Variants in SERF2 observed in about 807,000 individuals in gnomAD.
SERF2 encodes the protein gastric cancer-related protein VRG107.
Under a neutral mutation model 10.7 loss-of-function variants are expected in SERF2, and 4 were observed. The ratio of observed to expected loss-of-function variants is 0.37; its 90% CI spans 0.18 to 0.86. The LOEUF (loss-of-function observed/expected upper bound fraction) is 0.86, where lower values mean the gene tolerates loss of function less well. Ranked by LOEUF, SERF2 falls within the 40% of genes least tolerant of loss-of-function variation. SERF2 has a pLI of 0.43. For synonymous variants in SERF2, 26 were observed against 26.0 expected (o/e 1.00, Z 0.01); for missense variants, 47 against 79.1 (o/e 0.59, Z 1.54).
rs779182068 is a variant in SERF2, at chr15:43,795,126, T to TA, written c.*1354dup. The TA allele has an allele frequency of 1.3e-5, 21 of 1,613,240 alleles. No homozygotes were observed. In the East Asian group the frequency reaches 4.5e-4, roughly 34 times the overall value. On this transcript the variant is annotated 3_prime_UTR_variant, in exon 3 of 3. Transcript: ENST00000249786. ...CCAGTAACAGCCCCAGATAGAGGAG[T>TA]ACGCAGGCCCAGCATGAGGCAACCT...
upstream of SERF2, among the ~76,000 whole-genome samples, chr15:43,790,248 T>G (rs1027348701): frequency 4.6e-5 from 7 of 151,380 alleles, no homozygotes; most frequent in Admixed American, 4.6e-4. Flanking sequence ...TGGTGGAGGT[T>G]GCAGTGAGCC....
At position 43,794,083 on chromosome 15, in the gene SERF2, G is replaced by C. The variant is rs1229229485; in HGVS notation, c.*310G>C. 1 of 1,093,368 alleles carries C rather than the reference G, an allele frequency of 9.1e-7. No homozygotes were observed. The highest frequency in any genetic ancestry group is 1.3e-6 in the Non-Finnish European group (1 of 791,096). 67.7% of individuals were successfully genotyped at this position (1,093,368 alleles called of 1,614,324 possible). ...GGTTTGACTGGGGACTTGGGGGGAT[G>C]GGGTTGGAAGAATGACTGCCCTTTC... On this transcript the variant is annotated 3_prime_UTR_variant, in exon 3 of 3. Transcript: ENST00000249786.
At chr15:43,793,141 A>G (rs2087109848) in intron 2 of SERF2, 58 bp downstream of exon 2, 6 of 1,118,384 alleles carry the variant, frequency 5.4e-6, no homozygotes, top group Non-Finnish European at 8.1e-6. Flanking sequence ...ACCAAGGGTT[A>G]TAGAAGGAAA....
At chr15:43,779,592 A>G (rs1317023654) in intron 1 of SERF2, among the ~76,000 whole-genome samples, 1 of 151,996 alleles carries the variant, frequency 6.6e-6, no homozygotes, top group East Asian at 1.9e-4. Context: ...CCTGGGGTCA[A>G]GCAGTCCACC....
At chr15:43,793,537 G>A in intron 2 of SERF2, 173 bp from the exon 3 acceptor site, 2 of 1,478,614 alleles carry the variant, frequency 1.4e-6, no homozygotes, top group Non-Finnish European at 1.8e-6. Context: ...GAGACTGGTC[G>A]CCTTTTGAGC....
intron 2 of SERF2, chr15:43,793,417 C>T (rs2087118868): frequency 1.4e-6 from 1 of 711,562 alleles, no homozygotes; most frequent in South Asian, 2.1e-5. Context: ...CGGTTCTCCT[C>T]CCTTCTCCCA....
upstream of SERF2, chr15:43,791,958 C>T: frequency 3.6e-6 from 1 of 274,782 alleles, no homozygotes; most frequent in Non-Finnish European, 7.3e-6. Context: ...GCCCTCTTGT[C>T]TACGGGCGTT....
chr15:43,790,558 G>A (rs1032608687), upstream of SERF2, among the ~76,000 whole-genome samples: 11 of 151,824 alleles, frequency 7.2e-5, no homozygotes, highest in African/African-American at 2.7e-4. Context: ...GAGGTCAGGA[G>A]TTCCAGACCA....
rs1209532643 is a variant in SERF2, at chr15:43,792,357, T to C, written c.-20T>C. On this transcript the variant is annotated 5_prime_UTR_variant, in exon 1 of 3. Transcript: ENST00000249786. ...AACGAGGGGACGTAACGGAGGCAGG[T>C]TGGAGCCGCTGCCGTCGCCATGACC... The C allele has an allele frequency of 2.5e-6, 4 of 1,599,120 alleles. No individual in the cohort carries two copies. The African/African-American group carries it at 5.4e-5, about 21-fold the overall frequency.
upstream of SERF2, among the ~76,000 whole-genome samples, chr15:43,787,480 C>T (rs1255915386): frequency 6.6e-6 from 1 of 152,196 alleles, no homozygotes; most frequent in Non-Finnish European, 1.5e-5. Context: ...TCACCGCAAC[C>T]TCTGCCTCCC....
At chr15:43,789,999 G>A (rs373665354), upstream of SERF2, among the ~76,000 whole-genome samples, 3 of 151,994 alleles carry the variant, frequency 2.0e-5, no homozygotes, top group African/African-American at 7.3e-5. Flanking sequence ...AAAATTAGCC[G>A]AGCGTGGTGG....
chr15:43,792,666 C>A, intron 1 of SERF2: 1 of 1,327,590 alleles, frequency 7.5e-7, no homozygotes, highest in Non-Finnish European at 9.9e-7. Flanking sequence ...CTCCACAAGC[C>A]AGCCCATCCC....
At chr15:43,788,368 G>A (rs997662960), upstream of SERF2, among the ~76,000 whole-genome samples, 5 of 150,306 alleles carry the variant, frequency 3.3e-5, no homozygotes, top group African/African-American at 9.8e-5. Context: ...CCTCGTGATC[G>A]GCCCGCCTCG....
chr15:43,793,653 C>T (rs753092831), intron 2 of SERF2, 57 bp from the exon 3 acceptor site: 2 of 1,614,030 alleles, frequency 1.2e-6, no homozygotes, highest in East Asian at 2.2e-5. Flanking sequence ...CATCCCCCTG[C>T]ATCTTGTCCT....
intron 1 of SERF2, among the ~76,000 whole-genome samples, chr15:43,782,115 C>T (rs2086969909): frequency 1.3e-5 from 2 of 152,104 alleles, no homozygotes; most frequent in African/African-American, 4.8e-5. Flanking sequence ...TCTTGAACTC[C>T]TGACCTCAGG....
In SERF2 at chr15:43,794,919, G is replaced by A. The variant is rs1363196194; in HGVS notation, c.*1146G>A. 1.6e-5 allele frequency: 17 copies of A among 1,042,190 alleles called. No homozygotes were observed. The South Asian group carries it at 2.2e-4, about 13-fold the overall frequency. 64.6% of individuals were successfully genotyped at this position (1,042,190 alleles called of 1,614,324 possible). A position where few individuals can be genotyped will look rare whatever the true frequency, so the allele number is the denominator to read the frequency against. On this transcript the variant is annotated 3_prime_UTR_variant, in exon 3 of 3. Coordinates refer to ENST00000249786, the MANE Select transcript of SERF2 (RefSeq NM_001018108.4). ...AGATAACTCCCTGTGTGTCCTTGAG[G>A]TATTGAGCTGGGCTGGACAGCTCCC...
upstream of SERF2, chr15:43,792,092 A>T (rs1335358574): frequency 2.0e-6 from 1 of 489,520 alleles, no homozygotes; most frequent in African/African-American, 2.0e-5. Flanking sequence ...CAACCTGCCC[A>T]CGTGACCCGG....
chr15:43,793,281 G>T (rs529834653), intron 2 of SERF2, 198 bp downstream of exon 2: 28 of 571,000 alleles, frequency 4.9e-5, no homozygotes, highest in Non-Finnish European at 8.4e-5. Flanking sequence ...ACGGGGGCGG[G>T]CGCCTGCCCT....
rs113072275 is a variant in SERF2, at chr15:43,792,440, C to A, written c.7+57C>A. 23 of 1,613,658 alleles carry A rather than the reference C, an allele frequency of 1.4e-5. No homozygotes were observed. The African/African-American group carries it at 1.9e-4, about 13-fold the overall frequency. Reference sequence around the variant, plus strand: ...TTCTTTCCGTTCACCCTAAACACCACCGGCGAGGCGCCGGCTTTGACCTTC... The same window carrying A: ...TTCTTTCCGTTCACCCTAAACACCAACGGCGAGGCGCCGGCTTTGACCTTC... On this transcript the variant is annotated intron_variant, in intron 1 of 2. Coordinates refer to ENST00000249786, the MANE Select transcript of SERF2 (RefSeq NM_001018108.4).
Sources: allele counts gnomAD v4.1 joint callset (sites outside exome capture counted in the v4.1 genomes callset), GRCh38; gene constraint gnomAD v4.1.1; transcripts MANE v1.5; gene names NCBI Gene and HGNC (gene_info 2026-07-23, HGNC 2026-07-21).